The following BOD1L1 variants were observed in gnomAD, a reference collection of about 807,000 sequenced individuals.
BOD1L1 encodes biorientation of chromosomes in cell division protein 1-like 1.
BOD1L1 carries 86 observed loss-of-function variants against 240.7 expected under a neutral mutation model. The ratio of observed to expected loss-of-function variants is 0.36; its 90% CI spans 0.30 to 0.43. The LOEUF is 0.43. BOD1L1 is among the 20% of genes least tolerant of loss of function. BOD1L1 has a pLI of 1.00. For missense variants in BOD1L1, 3,554 were observed against 3,643.5 expected (o/e 0.98, Z 0.63); for synonymous variants, 1,268 against 1,272.3 (o/e 1.00, Z 0.07).
Position 13,603,205 on chromosome 4 carries a change from T to A in BOD1L1, c.3695A>T (p.Asn1232Ile). ...TCTATGAACAGTTTCAGAATCTATATTCACTTCAGTAGTTCCTCTATGAAT... is the reference window on the plus strand; with the variant it reads ...TCTATGAACAGTTTCAGAATCTATAATCACTTCAGTAGTTCCTCTATGAAT... ...EPIHRGTTEV[N>I]IDSETVHRML... The change falls in exon 10 of 26, where the codon AAT (asparagine) becomes ATT (isoleucine). Residue 1232 changes from asparagine (N) to isoleucine (I), a missense_variant. Physicochemically the swap from Asn to Ile is moderately radical, Grantham distance 149. Around this residue, in one of 2 missense-constraint regions of BOD1L1, gnomAD observed 3,393 missense variants for 3,427.1 expected, o/e 0.99. Coordinates refer to ENST00000040738, the MANE Select transcript of BOD1L1 (RefSeq NM_148894.3). The A allele has an allele frequency of 6.2e-7, 1 of 1,614,036 alleles. No individual in the cohort carries two copies. Among genetic ancestry groups the A allele is most frequent in the Non-Finnish European group, 8.5e-7 (1 of 1,179,888 alleles).
At chr4:13,606,496 A>G (rs1448745512) in intron 9 of BOD1L1, among the ~76,000 whole-genome samples, 1 of 152,232 alleles carries the variant, frequency 6.6e-6, no homozygotes, top group Non-Finnish European at 1.5e-5. Flanking sequence ...AGTGAAAGCA[A>G]AAGTTTGTCC....
At chr4:13,586,950 A>G (rs1713755114) in intron 16 of BOD1L1, among the ~76,000 whole-genome samples, 1 of 152,232 alleles carries the variant, frequency 6.6e-6, no homozygotes, top group South Asian at 2.1e-4. Context: ...AATGTGTATA[A>G]TGTACCATGG....
intron 2 of BOD1L1, among the ~76,000 whole-genome samples, chr4:13,617,831 T>C (rs1267849705): frequency 6.6e-6 from 1 of 152,204 alleles, no homozygotes; most frequent in Non-Finnish European, 1.5e-5. Context: ...TTTGAAATTA[T>C]ATTTATTTAC....
intron 9 of BOD1L1, among the ~76,000 whole-genome samples, chr4:13,606,041 A>T (rs1715673626): frequency 6.6e-6 from 1 of 152,186 alleles, no homozygotes; most frequent in African/African-American, 2.4e-5. Context: ...CAAAGTTCAG[A>T]CGGACCTTTG....
rs1671902487 is a variant in BOD1L1 at position 13,569,611 on chromosome 4, A to AT, written c.*399dup. 1 of 153,554 alleles carries AT rather than the reference A, an allele frequency of 6.5e-6. No homozygotes were observed. Among genetic ancestry groups the AT allele is most frequent in the Non-Finnish European group, 1.5e-5 (1 of 68,924 alleles). The allele number at this position is 153,554 out of a possible 1,614,324, so 9.5% of individuals were successfully genotyped here. A position where few individuals can be genotyped will look rare whatever the true frequency, so the allele number is the denominator to read the frequency against. On this transcript the variant is annotated 3_prime_UTR_variant, in exon 26 of 26. Coordinates refer to ENST00000040738, the MANE Select transcript of BOD1L1 (RefSeq NM_148894.3). Reference sequence around the variant, plus strand: ...ATAAATAAAGTGTTCATTGATTAGCATCATACATAGAGTAAAATACAACCT... The same window carrying AT: ...ATAAATAAAGTGTTCATTGATTAGCATTCATACATAGAGTAAAATACAACCT...
chr4:13,599,848 T>C lies in BOD1L1; in HGVS notation c.7052A>G (p.Gln2351Arg). The C allele has an allele frequency of 1.2e-6, 2 of 1,614,034 alleles. No homozygotes were observed. Among genetic ancestry groups the C allele is most frequent in the Non-Finnish European group, 8.5e-7 (1 of 1,179,888 alleles). Residue 2351 changes from glutamine to arginine, a missense_variant, in exon 10 of 26, where the codon CAG becomes CGG. Around this residue, in one of 2 missense-constraint regions of BOD1L1, gnomAD observed 3,393 missense variants for 3,427.1 expected, o/e 0.99. Transcript: ENST00000040738. ...SASIDRHEENQLTADNPEGNG... is the reference protein window; with the variant it reads ...SASIDRHEENRLTADNPEGNG... The stretch of plus-strand genomic sequence containing the variant: ...CCCTTCTGGGTTGTCTGCAGTCAGC[T>C]GATTCTCTTCATGTCTGTCAATGCT...
At chr4:13,589,719 T>C (rs1205445460) in intron 14 of BOD1L1, among the ~76,000 whole-genome samples, 1 of 152,192 alleles carries the variant, frequency 6.6e-6, no homozygotes, top group Non-Finnish European at 1.5e-5. Flanking sequence ...AAAAGGTATG[T>C]GAAGCAAATA....
intron 2 of BOD1L1, among the ~76,000 whole-genome samples, chr4:13,615,848 G>T (rs771952613): frequency 1.3e-5 from 2 of 152,094 alleles, no homozygotes; most frequent in African/African-American, 2.4e-5. Flanking sequence ...ATGGCATATA[G>T]GAATATGCTC....
chr4:13,603,730 C>A lies in BOD1L1; in HGVS notation c.3170G>T (p.Gly1057Val). 1.9e-6 allele frequency: 3 copies of A among 1,613,918 alleles called. No individual in the cohort carries two copies. The highest frequency in any genetic ancestry group is 2.5e-6 in the Non-Finnish European group (3 of 1,179,870). The change falls in exon 10 of 26, where the codon GGT (glycine) becomes GTT (valine). Residue 1057 changes from glycine to valine, a missense_variant. Gly to Val is a moderately radical substitution (Grantham distance 109). Around this residue, in one of 2 missense-constraint regions of BOD1L1, gnomAD observed 3,393 missense variants for 3,427.1 expected, o/e 0.99. Transcript: ENST00000040738. ...EVDSSHEKAR[G>V]NSSLMEKKLS... ...TTTCTTTTCCATGAGTGAACTATTA[C>A]CTCTGGCCTTTTCATGACTACTGTC...
In BOD1L1 at chr4:13,617,072, T is replaced by C. The variant is rs189171086; in HGVS notation, c.369-1570A>G. The stretch of plus-strand genomic sequence containing the variant: ...CCATCCTGGCCAACATGGTGAAACC[T>C]CATCTCTCCTAAAAATACAAAAATT... On this transcript the variant is annotated intron_variant, in intron 2 of 25. Transcript: ENST00000040738. 4.0e-4 allele frequency among the ~76,000 whole-genome samples: 60 copies of C among 151,764 alleles called. 1 individual carries two copies. The East Asian group carries it at 7.8e-3, about 20-fold the overall frequency.
In BOD1L1 at chr4:13,603,364, G is replaced by T; in HGVS notation, c.3536C>A (p.Pro1179Gln). Reference sequence around the variant, plus strand: ...TGTTCCACGGCCTGGCTTATAAGCTGGAGCTGTTGCTTTTGAATCTGCTGT... The same window carrying T: ...TGTTCCACGGCCTGGCTTATAAGCTTGAGCTGTTGCTTTTGAATCTGCTGT... ...TCTADSKATA[P>Q]AYKPGRGTGV... is the part of the protein sequence containing the mutation. The change falls in exon 10 of 26, where the codon CCA (proline) becomes CAA (glutamine). Residue 1179 changes from proline (P) to glutamine (Q), a missense_variant. Around this residue, in one of 2 missense-constraint regions of BOD1L1, gnomAD observed 3,393 missense variants for 3,427.1 expected, o/e 0.99. Transcript: ENST00000040738. The T allele has an allele frequency of 6.2e-7, 1 of 1,613,958 alleles. No individual in the cohort carries two copies. The highest frequency in any genetic ancestry group is 8.5e-7 in the Non-Finnish European group (1 of 1,179,884).
At chr4:13,611,198 CA>C in intron 5 of BOD1L1, 98 bp from the exon 6 acceptor site, 1 of 771,942 alleles carries the variant, frequency 1.3e-6, no homozygotes, top group Non-Finnish European at 2.0e-6. Flanking sequence ...ATTGGAGGTC[CA>C]AAAGGGGAAA....
chr4:13,570,460 C>G (rs1005782036), intron 25 of BOD1L1, among the ~76,000 whole-genome samples: 8 of 152,156 alleles, frequency 5.3e-5, no homozygotes, highest in African/African-American at 1.9e-4. Context: ...AAGACATCAA[C>G]AGCGGGTCCC....
At chr4:13,590,655 G>T (rs1714131514) in intron 13 of BOD1L1, among the ~76,000 whole-genome samples, 1 of 152,108 alleles carries the variant, frequency 6.6e-6, no homozygotes. Flanking sequence ...AAATTATTGT[G>T]CTTATTCTGC....
intron 7 of BOD1L1, 142 bp from the exon 8 acceptor site, chr4:13,608,810 T>C: frequency 1.6e-6 from 1 of 631,862 alleles, no homozygotes; most frequent in Non-Finnish European, 2.4e-6. Flanking sequence ...ATAGATATAA[T>C]ATTTTGGATG....
Position 13,588,811 on chromosome 4 carries a change from A to G in BOD1L1, c.8210-19T>C. On this transcript the variant is annotated intron_variant, in intron 14 of 25. Coordinates refer to ENST00000040738, the MANE Select transcript of BOD1L1 (RefSeq NM_148894.3). Reference sequence around the variant, plus strand: ...GATATCTCTGAGTAATAAATACAAAAAAGAAAAAAAAATCTTAAATATTTT... The same window carrying G: ...GATATCTCTGAGTAATAAATACAAAGAAGAAAAAAAAATCTTAAATATTTT... 1 of 1,511,160 alleles carries G rather than the reference A, an allele frequency of 6.6e-7. No individual in the cohort carries two copies. Among genetic ancestry groups the G allele is most frequent in the Non-Finnish European group, 8.9e-7 (1 of 1,122,700 alleles). 93.6% of individuals were successfully genotyped at this position (1,511,160 alleles called of 1,614,324 possible).
rs555265413 is a variant in BOD1L1, at chr4:13,581,049, C to T, written c.8674G>A (p.Asp2892Asn). ...PVETTLKMKD[D>N]SKTDTGIVTV... is the part of the protein sequence containing the mutation. ...ACAATGCCAGTATCTGTTTTGGAGT[C>T]GTCTTCTAAAAAAAAAAAATTCACT... The change falls in exon 21 of 26, where the codon GAC (aspartate) becomes AAC (asparagine). Residue 2892 changes from aspartate to asparagine, a missense_variant. By Grantham distance (23) the Asp-to-Asn change is conservative. Transcript: ENST00000040738. 1.4e-5 allele frequency: 22 copies of T among 1,568,616 alleles called. No homozygotes were observed. The South Asian group carries it at 2.0e-4, about 14-fold the overall frequency.
Position 13,613,428 on chromosome 4 carries a change from C to G in BOD1L1, c.1324+84G>C. 1 of 1,292,110 alleles carries G rather than the reference C, an allele frequency of 7.7e-7. No homozygotes were observed. The highest frequency in any genetic ancestry group is 2.4e-5 in the East Asian group (1 of 41,844). The allele number at this position is 1,292,110 out of a possible 1,614,324, so 80.0% of individuals were successfully genotyped here. A position where few individuals can be genotyped will look rare whatever the true frequency, so the allele number is the denominator to read the frequency against. On this transcript the variant is annotated intron_variant, in intron 5 of 25. Transcript: ENST00000040738. This position sits in a 1 kb window ranked among gnomAD's most constrained non-coding sequence, Gnocchi z 4.0. The stretch of plus-strand genomic sequence containing the variant: ...CCCATGCTCTTGCTACTATACCACA[C>G]TGTTTCTCAGGATATAGCCATCAGA...
intron 14 of BOD1L1, among the ~76,000 whole-genome samples, chr4:13,589,737 T>C (rs954202145): frequency 6.6e-6 from 1 of 152,218 alleles, no homozygotes; most frequent in Non-Finnish European, 1.5e-5. Flanking sequence ...ATATACTAAA[T>C]TGTAAGATAG....
Sources: allele counts gnomAD v4.1 joint callset (sites outside exome capture counted in the v4.1 genomes callset), GRCh38; gene constraint gnomAD v4.1.1; regional missense constraint gnomAD v4.1.1; non-coding constraint Gnocchi (gnomAD v3.1); transcripts MANE v1.5; gene names NCBI Gene and HGNC (gene_info 2026-07-23, HGNC 2026-07-21).